The following GBA1 variants were observed in gnomAD, a reference collection of about 807,000 sequenced individuals.
GBA1 encodes the protein lysosomal acid glucosylceramidase.
the GBA1 span, among the ~76,000 whole-genome samples, chr1:155,241,602 T>A: frequency 6.6e-6 from 1 of 152,002 alleles, no homozygotes; most frequent in East Asian, 1.9e-4. Context: ...TTTAAGACAG[T>A]CTTTGCCCTA....
chr1:155,239,854 C>G, the GBA1 span: 52 of 1,613,908 alleles, frequency 3.2e-5, no homozygotes, highest in Non-Finnish European at 4.2e-5. Context: ...AGGACCCAGC[C>G]TGGCCCAGGG....
At chr1:155,239,400 G>T in the GBA1 span, among the ~76,000 whole-genome samples, 1 of 151,824 alleles carries the variant, frequency 6.6e-6, no homozygotes, top group Non-Finnish European at 1.5e-5. Flanking sequence ...TGGTAGTGGC[G>T]CACGCCTATA....
chr1:155,241,309 A>T, the GBA1 span: 1 of 640,926 alleles, frequency 1.6e-6, no homozygotes. Flanking sequence ...ACAGGAAGTG[A>T]GGCAATCACA....
the GBA1 span, among the ~76,000 whole-genome samples, chr1:155,239,363 C>G: frequency 4.6e-5 from 7 of 152,054 alleles, no homozygotes; most frequent in African/African-American, 7.2e-5. Context: ...AACCCTGTCT[C>G]TACTAAAAAT....
At chr1:155,235,568 G>A in the GBA1 span, 24 of 1,261,788 alleles carry the variant, frequency 1.9e-5, no homozygotes, top group Non-Finnish European at 2.5e-5. Context: ...TGCCTCTTCC[G>A]AGGTTCCACC....
the GBA1 span, chr1:155,236,519 A>C: frequency 7.1e-7 from 1 of 1,418,404 alleles, no homozygotes; most frequent in Admixed American, 1.8e-5. Flanking sequence ...GGCTTCTGGA[A>C]CTTCTAGTTC....
chr1:155,235,325 C>T, the GBA1 span: 2 of 1,608,314 alleles, frequency 1.2e-6, no homozygotes, highest in African/African-American at 1.3e-5. Context: ...AATGTGGGAA[C>T]AGATGGTCAG....
At chr1:155,235,227 G>A in the GBA1 span, 301 of 1,613,590 alleles carry the variant, frequency 1.9e-4, 1 homozygote, top group African/African-American at 2.9e-3. Flanking sequence ...CAGAGCCATC[G>A]GGATGCATCA....
chr1:155,242,317 G>A, the GBA1 span, among the ~76,000 whole-genome samples: 1 of 151,760 alleles, frequency 6.6e-6, no homozygotes, highest in Non-Finnish European at 1.5e-5. Flanking sequence ...CCACCTCCTG[G>A]GTTCGAGTGA....
chr1:155,240,963 T>C, the GBA1 span: 2 of 973,802 alleles, frequency 2.1e-6, no homozygotes, highest in Admixed American at 1.9e-5. Context: ...CCTCCCTCCA[T>C]CTGTGCCTTG....
the GBA1 span, chr1:155,238,110 C>T: frequency 6.2e-7 from 1 of 1,613,144 alleles, no homozygotes; most frequent in Non-Finnish European, 8.5e-7. Context: ...CAGTCCTGAT[C>T]CCACATCCTT....
At chr1:155,243,450 G>C in the GBA1 span, among the ~76,000 whole-genome samples, 1 of 151,888 alleles carries the variant, frequency 6.6e-6, no homozygotes, top group African/African-American at 2.4e-5. Context: ...CTTCTTTTTT[G>C]GCCAGGTACT....
chr1:155,240,145 G>A, the GBA1 span: 2 of 1,438,268 alleles, frequency 1.4e-6, no homozygotes, highest in South Asian at 1.2e-5. Context: ...CATCTGCTAG[G>A]AGAGACTGAA....
the GBA1 span, chr1:155,238,017 A>T: frequency 9.0e-6 from 10 of 1,109,718 alleles, no homozygotes; most frequent in Non-Finnish European, 1.4e-5. Flanking sequence ...CAGAAGGTAG[A>T]AAGGTGAGCT....
At chr1:155,235,775 A>T in the GBA1 span, 1 of 1,614,214 alleles carries the variant, frequency 6.2e-7, no homozygotes, top group Non-Finnish European at 8.5e-7. Flanking sequence ...TTACGCACCC[A>T]ATTGGGTCCT....
chr1:155,235,753 C>T, the GBA1 span: 1 of 1,614,052 alleles, frequency 6.2e-7, no homozygotes, highest in East Asian at 2.2e-5. Flanking sequence ...AATGATGGGA[C>T]TGTCGACAAA....
the GBA1 span, chr1:155,236,469 C>T: frequency 2.4e-5 from 38 of 1,612,440 alleles, no homozygotes; most frequent in East Asian, 1.1e-4. Flanking sequence ...TCTGTCAGTA[C>T]CTGCAAAGGA....
chr1:155,239,238 G>T, the GBA1 span, among the ~76,000 whole-genome samples: 1 of 150,552 alleles, frequency 6.6e-6, no homozygotes, highest in Non-Finnish European at 1.5e-5. Context: ...AAAGAAAAAA[G>T]AAAAGTGTCT....
chr1:155,235,924 G>C, the GBA1 span: 1 of 1,559,108 alleles, frequency 6.4e-7, no homozygotes, highest in Non-Finnish European at 8.8e-7. Flanking sequence ...TCACATGTGG[G>C]AGAGGCAGCT....
Sources: gnomAD v4.1 joint callset for allele counts (sites outside exome capture counted in the v4.1 genomes callset) on GRCh38, gnomAD v4.1.1 for gene constraint, MANE v1.5 for transcripts, NCBI Gene and HGNC (gene_info 2026-07-23, HGNC 2026-07-21) for gene names.